GRM3: variants seen among roughly 807,000 people sequenced by gnomAD.
GRM3 encodes metabotropic glutamate receptor 3.
In GRM3, 26 loss-of-function variants were observed where a neutral mutation model predicts 70.5. The ratio of observed to expected loss-of-function variants is 0.37; its 90% CI spans 0.27 to 0.51. GRM3 has a LOEUF of 0.51. Ranked by LOEUF, GRM3 falls within the 20% of genes least tolerant of loss-of-function variation. The probability of loss-of-function intolerance (pLI) is 0.93; values close to 1 mark genes in which losing one functional copy is unlikely to be tolerated. For missense variants in GRM3, 859 were observed against 1,123.8 expected (o/e 0.76, Z 3.37); for synonymous variants, 443 against 434.9 (o/e 1.02, Z -0.23).
intron 2 of GRM3, among the ~76,000 whole-genome samples, chr7:86,770,073 C>T (rs1796700294): frequency 1.3e-5 from 2 of 152,212 alleles, no homozygotes; most frequent in African/African-American, 4.8e-5. Context: ...TTGTGCTTTT[C>T]GAATAGACTG....
intron 3 of GRM3, among the ~76,000 whole-genome samples, chr7:86,825,012 C>A (rs556359853): frequency 1.3e-5 from 2 of 152,234 alleles, no homozygotes; most frequent in Non-Finnish European, 2.9e-5. Flanking sequence ...ATAACCTTAA[C>A]AACATTATTT....
intron 3 of GRM3, among the ~76,000 whole-genome samples, chr7:86,807,359 G>C (rs1293627452): frequency 8.6e-6 from 1 of 116,684 alleles, no homozygotes; most frequent in Non-Finnish European, 1.7e-5. Flanking sequence ...TCACGATATT[G>C]ATTCTTCCTA....
At chr7:86,742,014 G>C (rs925299594) in intron 1 of GRM3, among the ~76,000 whole-genome samples, 55 of 152,204 alleles carry the variant, frequency 3.6e-4, no homozygotes, top group African/African-American at 1.3e-3. Context: ...ATTCAGGCAG[G>C]GCTTGGTGGA....
At chr7:86,777,885 G>A (rs1796935260) in intron 2 of GRM3, among the ~76,000 whole-genome samples, 1 of 152,058 alleles carries the variant, frequency 6.6e-6, no homozygotes, top group Admixed American at 6.6e-5. Context: ...TGAATAGGAG[G>A]GACACTGAGG....
intron 1 of GRM3, among the ~76,000 whole-genome samples, chr7:86,757,825 A>C (rs75752578): frequency 6.6e-6 from 1 of 151,928 alleles, no homozygotes; most frequent in East Asian, 1.9e-4. Context: ...TTTTTCTACA[A>C]TTTTGTAGTT....
At chr7:86,662,607 T>C (rs1027989812) in intron 1 of GRM3, among the ~76,000 whole-genome samples, 2 of 151,980 alleles carry the variant, frequency 1.3e-5, no homozygotes, top group African/African-American at 2.4e-5. Context: ...GGTCTGTATA[T>C]TTATAAGAGT....
intron 1 of GRM3, among the ~76,000 whole-genome samples, chr7:86,672,189 T>A (rs1562820740): frequency 2.0e-5 from 3 of 152,096 alleles, no homozygotes. Context: ...AATGTAAAGT[T>A]TTTTTGTTTT....
At chr7:86,714,743 A>G (rs757135154) in intron 1 of GRM3, among the ~76,000 whole-genome samples, 17 of 151,992 alleles carry the variant, frequency 1.1e-4, no homozygotes, top group Non-Finnish European at 1.8e-4. Context: ...CATGGACATT[A>G]TATATAACTA....
At chr7:86,759,732 A>G (rs1796433476) in intron 1 of GRM3, among the ~76,000 whole-genome samples, 1 of 152,182 alleles carries the variant, frequency 6.6e-6, no homozygotes. Flanking sequence ...GTGGAGTAAC[A>G]TGGAAGGCTA....
At chr7:86,733,202 T>C (rs1431123589) in intron 1 of GRM3, among the ~76,000 whole-genome samples, 2 of 151,394 alleles carry the variant, frequency 1.3e-5, no homozygotes, top group Non-Finnish European at 2.9e-5. Context: ...TGGTCCCAGC[T>C]ACTTGGGAGG....
intron 1 of GRM3, among the ~76,000 whole-genome samples, chr7:86,646,699 T>C (rs1161182716): frequency 6.6e-6 from 1 of 152,178 alleles, no homozygotes; most frequent in East Asian, 1.9e-4. Flanking sequence ...ATTATGCCAG[T>C]ACAATGAATA....
At chr7:86,728,755 G>A (rs1015533424) in intron 1 of GRM3, among the ~76,000 whole-genome samples, 4 of 152,106 alleles carry the variant, frequency 2.6e-5, no homozygotes, top group African/African-American at 7.2e-5. Flanking sequence ...ATGTTGGTTG[G>A]GATTTTATCA....
intron 2 of GRM3, among the ~76,000 whole-genome samples, chr7:86,772,287 T>C (rs1796765186): frequency 6.6e-6 from 1 of 152,100 alleles, no homozygotes; most frequent in Non-Finnish European, 1.5e-5. Context: ...AAAATCTTTA[T>C]GGGAATCTTG....
chr7:86,723,959 A>G (rs1378498609), intron 1 of GRM3, among the ~76,000 whole-genome samples: 1 of 152,168 alleles, frequency 6.6e-6, no homozygotes, highest in African/African-American at 2.4e-5. Flanking sequence ...ACAATTATAG[A>G]TAAGCACTGC....
chr7:86,762,499 T>C (rs976995526), intron 1 of GRM3, among the ~76,000 whole-genome samples: 2 of 152,172 alleles, frequency 1.3e-5, no homozygotes, highest in Non-Finnish European at 2.9e-5. Context: ...AAGTAAACAC[T>C]GGACTAGCTC....
At chr7:86,744,078 C>G (rs1796048794) in intron 1 of GRM3, among the ~76,000 whole-genome samples, 1 of 152,032 alleles carries the variant, frequency 6.6e-6, no homozygotes, top group Non-Finnish European at 1.5e-5. Flanking sequence ...GCAATGTTAC[C>G]TCTCTAATCT....
intron 2 of GRM3, among the ~76,000 whole-genome samples, chr7:86,777,607 C>G (rs1312951948): frequency 6.6e-6 from 1 of 152,154 alleles, no homozygotes; most frequent in Non-Finnish European, 1.5e-5. Flanking sequence ...AATTCCTGGT[C>G]TTGGGACATG....
At chr7:86,663,863 G>C (rs1217968585) in intron 1 of GRM3, among the ~76,000 whole-genome samples, 2 of 150,816 alleles carry the variant, frequency 1.3e-5, no homozygotes, top group African/African-American at 4.8e-5. Context: ...ATAAAATAAG[G>C]AGTTTGATAT....
At chr7:86,742,315 T>G (rs1259288762) in intron 1 of GRM3, among the ~76,000 whole-genome samples, 1 of 152,186 alleles carries the variant, frequency 6.6e-6, no homozygotes, top group Non-Finnish European at 1.5e-5. Flanking sequence ...GCACTTCTAC[T>G]TCCTTCTATT....
Sources: gnomAD v4.1 joint callset for allele counts (sites outside exome capture counted in the v4.1 genomes callset) on GRCh38, gnomAD v4.1.1 for gene constraint, MANE v1.5 for transcripts, NCBI Gene and HGNC (gene_info 2026-07-23, HGNC 2026-07-21) for gene names.